The following SRGAP2 variants were observed in gnomAD, a reference collection of about 807,000 sequenced individuals.
The protein encoded by SRGAP2 is SLIT-ROBO Rho GTPase-activating protein 2.
Under a neutral mutation model 57.2 loss-of-function variants are expected in SRGAP2, and 15 were observed. The observed-to-expected ratio is 0.26, with a 90% confidence interval of 0.18 to 0.40. SRGAP2 has a LOEUF of 0.40. SRGAP2 is among the 10% of genes least tolerant of loss of function. SRGAP2 has a pLI of 1.00. For missense variants in SRGAP2, 520 were observed against 669.6 expected (o/e 0.78, Z 2.47); for synonymous variants, 249 against 248.0 (o/e 1.00, Z -0.04).
chr1:206,310,313 A>G (rs575867961), intron 3 of SRGAP2, among the ~76,000 whole-genome samples: 1 of 151,020 alleles, frequency 6.6e-6, no homozygotes, highest in South Asian at 2.1e-4. Flanking sequence ...ACTTTCATGC[A>G]TAATTTATTC....
chr1:206,259,117 ATCAG>A (rs1477082714), intron 2 of SRGAP2, among the ~76,000 whole-genome samples: 4 of 148,232 alleles, frequency 2.7e-5, no homozygotes, highest in African/African-American at 7.6e-5. Context: ...GACAGTTTGC[ATCAG>A]TCAGTCAGTC....
intron 6 of SRGAP2, among the ~76,000 whole-genome samples, chr1:206,393,264 AC>A (rs1553351625): frequency 8.5e-6 from 1 of 117,962 alleles, no homozygotes; most frequent in Non-Finnish European, 1.8e-5. Context: ...GAGTAGTGGT[AC>A]CTCCTTCAGA....
chr1:206,367,353 G>T (rs1218276679), intron 4 of SRGAP2, among the ~76,000 whole-genome samples: 6 of 152,118 alleles, frequency 3.9e-5, no homozygotes, highest in Non-Finnish European at 7.3e-5. Flanking sequence ...AAGATTAGGA[G>T]AATACAGATA....
chr1:206,369,339 T>G (rs1428985299), intron 4 of SRGAP2, among the ~76,000 whole-genome samples: 2 of 151,852 alleles, frequency 1.3e-5, no homozygotes, highest in East Asian at 3.9e-4. Flanking sequence ...TGATCTTGGA[T>G]TAGGCAATGA....
intron 2 of SRGAP2, among the ~76,000 whole-genome samples, chr1:206,267,162 G>C (rs1262387325): frequency 1.3e-5 from 2 of 151,942 alleles, no homozygotes; most frequent in Non-Finnish European, 2.9e-5. Flanking sequence ...TAGAGACGGG[G>C]TTTCACTGTG....
intron 2 of SRGAP2, among the ~76,000 whole-genome samples, chr1:206,290,904 G>T (rs1671281992): frequency 6.6e-6 from 1 of 152,080 alleles, no homozygotes; most frequent in Admixed American, 6.5e-5. Flanking sequence ...ACTTTTCTCT[G>T]CGGCCTCTCC....
intron 2 of SRGAP2, among the ~76,000 whole-genome samples, chr1:206,301,175 G>T (rs1361759517): frequency 6.6e-6 from 1 of 152,104 alleles, no homozygotes; most frequent in Non-Finnish European, 1.5e-5. Context: ...GGGACCACAG[G>T]CACCTGCCAC....
chr1:206,323,322 C>T (rs1465441303), intron 3 of SRGAP2, among the ~76,000 whole-genome samples: 2 of 152,180 alleles, frequency 1.3e-5, no homozygotes, highest in Non-Finnish European at 2.9e-5. Flanking sequence ...GGAGCAGATT[C>T]AGGAGAAGTG....
chr1:206,415,973 A>T lies in SRGAP2; in HGVS notation c.1441A>T (p.Ser481Cys). The T allele has an allele frequency of 2.6e-6, 2 of 780,196 alleles. No homozygotes were observed. Among genetic ancestry groups the T allele is most frequent in the Non-Finnish European group, 4.8e-6 (2 of 417,766 alleles). 48.3% of individuals were successfully genotyped at this position (780,196 alleles called of 1,614,324 possible). The change falls in exon 11 of 23, where the codon AGT becomes TGT. Residue 481 changes from serine to cysteine, a missense_variant and splice_region_variant. Ser to Cys is a moderately radical substitution (Grantham distance 112, BLOSUM62 -1). Transcript: ENST00000573034. ...HDLLQKTLGE[S>C]QRTDCSLARR... ...CCTTCTGCAGAAAACCCTGGGAGAA[A>T]GTGAGTGTGGGAACCCTCTGCTAGA...
At chr1:206,249,975 AT>A (rs1668740921) in intron 2 of SRGAP2, among the ~76,000 whole-genome samples, 1 of 148,344 alleles carries the variant, frequency 6.7e-6, no homozygotes, top group Non-Finnish European at 1.5e-5. Flanking sequence ...TCAGCCTATT[AT>A]TTAATCAGTC....
Position 206,241,912 on chromosome 1 carries a change from G to A in SRGAP2, c.67+35875G>A, listed in dbSNP as rs543964190. 1.7e-4 allele frequency among the ~76,000 whole-genome samples: 7 copies of A among 41,314 alleles called. No homozygotes were observed. The East Asian group carries it at 3.2e-3, about 19-fold the overall frequency. The allele number at this position is 41,314 out of a possible 152,430, so 27.1% of individuals were successfully genotyped here. ...TTTTTTAATGCTGGGAGGTGTTTGCGTGTGTGTGTGTGTGTGTGTGTGTGT... is the reference window on the plus strand; with the variant it reads ...TTTTTTAATGCTGGGAGGTGTTTGCATGTGTGTGTGTGTGTGTGTGTGTGT... On this transcript the variant is annotated intron_variant, in intron 2 of 22. Transcript: ENST00000573034.
chr1:206,373,236 C>T (rs1256259249), intron 4 of SRGAP2, among the ~76,000 whole-genome samples: 1 of 140,112 alleles, frequency 7.1e-6, no homozygotes, highest in East Asian at 2.1e-4. Flanking sequence ...GCTGGGATTA[C>T]AGGCATGCGC....
At chr1:206,430,036 A>C in intron 13 of SRGAP2, 126 bp from the exon 14 acceptor site, 2 of 700,814 alleles carry the variant, frequency 2.9e-6, no homozygotes, top group South Asian at 3.1e-5. Context: ...AGGACAGGCC[A>C]GGTGCTTCTT....
intron 2 of SRGAP2, among the ~76,000 whole-genome samples, chr1:206,230,713 A>C (rs1571624523): frequency 1.6e-5 from 2 of 127,728 alleles, no homozygotes; most frequent in Admixed American, 7.9e-5. Context: ...TGCAACCTCC[A>C]CCTCCCGGGT....
Position 206,417,584 on chromosome 1 carries a change from A to G in SRGAP2, c.1441+1611A>G, listed in dbSNP as rs576431075. On this transcript the variant is annotated intron_variant, in intron 11 of 22. Coordinates refer to ENST00000573034, the MANE Select transcript of SRGAP2 (RefSeq NM_015326.5). The stretch of plus-strand genomic sequence containing the variant: ...AGGTGCCCACCACCATGCCTGGCTA[A>G]TTTTTTTGTATTCTTAGTAGGGACG... Among the ~76,000 whole-genome samples, 29 of 148,550 alleles carry G rather than the reference A, an allele frequency of 2.0e-4. No individual in the cohort carries two copies. In the South Asian group the frequency reaches 5.6e-3, roughly 29 times the overall value.
chr1:206,311,678 C>T (rs1403143821), intron 3 of SRGAP2, among the ~76,000 whole-genome samples: 4 of 151,742 alleles, frequency 2.6e-5, no homozygotes, highest in African/African-American at 9.7e-5. Context: ...CTATGAATGC[C>T]AGGCGACAGG....
At position 206,325,492 on chromosome 1, in the gene SRGAP2, C is replaced by T. The variant is rs571977636; in HGVS notation, c.261-17354C>T. 1.1e-4 allele frequency among the ~76,000 whole-genome samples: 17 copies of T among 151,494 alleles called. No homozygotes were observed. In the South Asian group the frequency reaches 3.6e-3, roughly 32 times the overall value. On this transcript the variant is annotated intron_variant, in intron 3 of 22. Transcript: ENST00000573034. ...CCGAGTAGCTAGGACCACAGGTGCA[C>T]ACCACCATGCCCAGCTAGTTTTTTG...
chr1:206,335,450 T>C (rs2102891967), intron 3 of SRGAP2, among the ~76,000 whole-genome samples: 1 of 150,622 alleles, frequency 6.6e-6, no homozygotes, highest in East Asian at 2.0e-4. Context: ...CAAGCCAATG[T>C]ACACACAAGC....
chr1:206,333,048 G>T (rs1271858178), intron 3 of SRGAP2, among the ~76,000 whole-genome samples: 2 of 148,066 alleles, frequency 1.4e-5, no homozygotes, highest in African/African-American at 5.0e-5. Flanking sequence ...TCAGCTGCAG[G>T]TCTGTTGGAA....
Sources: allele counts gnomAD v4.1 joint callset (sites outside exome capture counted in the v4.1 genomes callset), GRCh38; gene constraint gnomAD v4.1.1; transcripts MANE v1.5; gene names NCBI Gene and HGNC (gene_info 2026-07-23, HGNC 2026-07-21).